FBXL7: variants seen among roughly 807,000 people sequenced by gnomAD.
The protein encoded by FBXL7 is F-box/LRR-repeat protein 7.
A neutral mutation model predicts 38.3 loss-of-function variants in FBXL7; 12 were observed. That is an observed-to-expected ratio of 0.31 (90% CI 0.20 to 0.51). The LOEUF (loss-of-function observed/expected upper bound fraction) is 0.51. FBXL7 is among the 20% of genes least tolerant of loss of function. The probability of loss-of-function intolerance (pLI) is 0.98; values close to 1 mark genes in which losing one functional copy is unlikely to be tolerated. For missense variants in FBXL7, 567 were observed against 676.4 expected, an observed-to-expected ratio of 0.84 and a Z score of 1.79; for synonymous variants, 297 against 300.9, an observed-to-expected ratio of 0.99 and a Z score of 0.13.
chr5:15,849,860 T>C (rs1739040468), intron 2 of FBXL7, among the ~76,000 whole-genome samples: 1 of 152,238 alleles, frequency 6.6e-6, no homozygotes, highest in South Asian at 2.1e-4. Context: ...CGTCTGTTTT[T>C]AGAGCTTGAT....
rs1227259840 is a variant in FBXL7 at position 15,721,453 on chromosome 5, G to A, written c.127+105381G>A. Among the ~76,000 whole-genome samples, 3 of 152,068 alleles carry A rather than the reference G, an allele frequency of 2.0e-5. No homozygotes were observed. The East Asian group carries it at 5.8e-4, about 29-fold the overall frequency. On this transcript the variant is annotated intron_variant, in intron 2 of 3. Transcript: ENST00000504595. The stretch of plus-strand genomic sequence containing the variant: ...AGCAAACAAGGTTTCAAACACTAAG[G>A]AAAAGTTTAGTCTTTGTGGGGCCTA...
intron 2 of FBXL7, among the ~76,000 whole-genome samples, chr5:15,808,630 T>C (rs1737778249): frequency 6.6e-6 from 1 of 152,192 alleles, no homozygotes; most frequent in Admixed American, 6.5e-5. Flanking sequence ...TATAGCTTCA[T>C]AAAGTATAAA....
chr5:15,624,968 C>T (rs115224573), intron 2 of FBXL7, among the ~76,000 whole-genome samples: 47 of 151,668 alleles, frequency 3.1e-4, no homozygotes, highest in African/African-American at 1.1e-3. Context: ...GATCTCTTTG[C>T]ACATGCCCCC....
chr5:15,922,093 A>G (rs1301306641), intron 2 of FBXL7, among the ~76,000 whole-genome samples: 1 of 152,002 alleles, frequency 6.6e-6, no homozygotes, highest in East Asian at 1.9e-4. Flanking sequence ...TTATCAATGG[A>G]TGAATGGGTA....
chr5:15,716,875 C>T (rs1221466932), intron 2 of FBXL7, among the ~76,000 whole-genome samples: 6 of 152,098 alleles, frequency 3.9e-5, no homozygotes, highest in Non-Finnish European at 8.8e-5. Context: ...TTTTATTTTA[C>T]ACTCTCTAAG....
chr5:15,782,973 G>C (rs575244687), intron 2 of FBXL7, among the ~76,000 whole-genome samples: 2 of 152,060 alleles, frequency 1.3e-5, no homozygotes. Flanking sequence ...TAAATATAAA[G>C]TGACACCAAA....
At chr5:15,622,825 C>G (rs1740698225) in intron 2 of FBXL7, among the ~76,000 whole-genome samples, 1 of 152,190 alleles carries the variant, frequency 6.6e-6, no homozygotes, top group Non-Finnish European at 1.5e-5. Context: ...CTGCTTCAGC[C>G]TCCCAAGTAG....
intron 2 of FBXL7, among the ~76,000 whole-genome samples, chr5:15,684,871 A>G (rs2126614627): frequency 6.6e-6 from 1 of 152,350 alleles, no homozygotes; most frequent in East Asian, 1.9e-4. Flanking sequence ...AGAGAAAATG[A>G]GAAGACACTT....
chr5:15,926,104 T>C (rs1290345559), intron 2 of FBXL7, among the ~76,000 whole-genome samples: 2 of 152,126 alleles, frequency 1.3e-5, no homozygotes, highest in Non-Finnish European at 1.5e-5. Context: ...TGGGATATGT[T>C]AAATTTATGA....
At chr5:15,701,913 T>G (rs2126633512) in intron 2 of FBXL7, among the ~76,000 whole-genome samples, 1 of 152,242 alleles carries the variant, frequency 6.6e-6, no homozygotes, top group East Asian at 1.9e-4. Flanking sequence ...GACTCCCAGA[T>G]TAACTTAAGG....
chr5:15,892,187 A>G (rs1326855672), intron 2 of FBXL7, among the ~76,000 whole-genome samples: 1 of 152,204 alleles, frequency 6.6e-6, no homozygotes, highest in Non-Finnish European at 1.5e-5. Flanking sequence ...CTTGAAGACA[A>G]CACTCCAACC....
chr5:15,669,497 C>T (rs916274475), intron 2 of FBXL7, among the ~76,000 whole-genome samples: 4 of 152,146 alleles, frequency 2.6e-5, no homozygotes, highest in Admixed American at 2.0e-4. Flanking sequence ...CTCTTACATA[C>T]GTTTTTAGGC....
chr5:15,540,878 A>T (rs1355137367), intron 1 of FBXL7, among the ~76,000 whole-genome samples: 1 of 151,842 alleles, frequency 6.6e-6, no homozygotes, highest in Non-Finnish European at 1.5e-5. Flanking sequence ...ATTACCTCCT[A>T]GGGACCCCAT....
chr5:15,727,928 G>A (rs1168676373), intron 2 of FBXL7, among the ~76,000 whole-genome samples: 2 of 152,068 alleles, frequency 1.3e-5, no homozygotes, highest in African/African-American at 4.8e-5. Flanking sequence ...TGCTGTTATG[G>A]TTGTTCCTCA....
intron 2 of FBXL7, among the ~76,000 whole-genome samples, chr5:15,923,086 T>C (rs560511777): frequency 5.9e-5 from 9 of 152,274 alleles, no homozygotes; most frequent in African/African-American, 2.2e-4. Context: ...AGGAGGAGGG[T>C]TGCAGAATTC....
intron 2 of FBXL7, among the ~76,000 whole-genome samples, chr5:15,632,704 T>G (rs917823815): frequency 6.6e-6 from 1 of 152,138 alleles, no homozygotes; most frequent in African/African-American, 2.4e-5. Flanking sequence ...AATAACAAAA[T>G]TATGTCCTTT....
At position 15,659,582 on chromosome 5, in the gene FBXL7, A is replaced by G. The variant is rs1184424753; in HGVS notation, c.127+43510A>G. Among the ~76,000 whole-genome samples the G allele has an allele frequency of 5.3e-5, 8 of 152,242 alleles. No individual in the cohort carries two copies. The East Asian group carries it at 7.7e-4, about 15-fold the overall frequency. On this transcript the variant is annotated intron_variant, in intron 2 of 3. Transcript: ENST00000504595. ...TGGGGATTTAAAGATACACAAATGC[A>G]TCCACACATAAATACAAACAAGGAT... is the stretch of plus-strand genomic sequence containing the variant.
intron 2 of FBXL7, among the ~76,000 whole-genome samples, chr5:15,775,822 A>G (rs1736843707): frequency 1.3e-5 from 2 of 152,280 alleles, no homozygotes; most frequent in African/African-American, 4.8e-5. Context: ...TGCAGTTGTC[A>G]AAAAATCCTG....
intron 2 of FBXL7, among the ~76,000 whole-genome samples, chr5:15,756,143 GA>G (rs757246264): frequency 6.6e-6 from 1 of 152,098 alleles, no homozygotes; most frequent in Non-Finnish European, 1.5e-5. Flanking sequence ...ATGTGTTTCT[GA>G]AATCTAAAAA....
Sources: gnomAD v4.1 joint callset for allele counts (sites outside exome capture counted in the v4.1 genomes callset) on GRCh38, gnomAD v4.1.1 for gene constraint, MANE v1.5 for transcripts, NCBI Gene and HGNC (gene_info 2026-07-23, HGNC 2026-07-21) for gene names.